FBXL5: variants seen among roughly 807,000 people sequenced by gnomAD.
The protein encoded by FBXL5 is F-box and leucine rich repeat protein 5, also known as F-box/LRR-repeat protein 5.
FBXL5 carries 26 observed loss-of-function variants against 78.3 expected under a neutral mutation model. The observed-to-expected ratio is 0.33, with a 90% CI of 0.24 to 0.46. The LOEUF is 0.46. Ranked by LOEUF, FBXL5 falls within the 20% of genes least tolerant of loss-of-function variation. The pLI is 1.00. For synonymous variants in FBXL5, 295 were observed against 282.5 expected (o/e 1.04, Z -0.45); for missense variants, 710 against 829.2 (o/e 0.86, Z 1.77).
intron 6 of FBXL5, among the ~76,000 whole-genome samples, chr4:15,628,785 A>ACACACACACG (rs10682962): frequency 0.36 from 35,389 of 98,076 alleles, 4,320 homozygotes; most frequent in African/African-American, 0.37. Flanking sequence ...ACACACACAC[A>ACACACACACG]CACGCACACA....
At chr4:15,673,029 A>G (rs1233299636) in intron 1 of FBXL5, among the ~76,000 whole-genome samples, 1 of 152,186 alleles carries the variant, frequency 6.6e-6, no homozygotes, top group African/African-American at 2.4e-5. Context: ...GGGCAATAAC[A>G]TGCACAAAGC....
At chr4:15,680,819 AT>A (rs1718216724) in intron 1 of FBXL5, among the ~76,000 whole-genome samples, 1 of 151,590 alleles carries the variant, frequency 6.6e-6, no homozygotes. Context: ...AAGCTCCTGT[AT>A]CTAACATGTT....
At chr4:15,632,426 CGTA>C (rs1293205657) in intron 5 of FBXL5, among the ~76,000 whole-genome samples, 1 of 152,066 alleles carries the variant, frequency 6.6e-6, no homozygotes, top group African/African-American at 2.4e-5. Flanking sequence ...TGAACTTTAA[CGTA>C]GTTTTTTCCA....
rs761125725 is a variant in FBXL5 at position 15,636,476 on chromosome 4, A to T, written c.766+18T>A. 3 of 1,479,252 alleles carry T rather than the reference A, an allele frequency of 2.0e-6. No individual in the cohort carries two copies. The South Asian group carries it at 4.0e-5, about 20-fold the overall frequency. 91.6% of individuals were successfully genotyped at this position (1,479,252 alleles called of 1,614,324 possible). A position where few individuals can be genotyped will look rare whatever the true frequency, so the allele number is the denominator to read the frequency against. The stretch of plus-strand genomic sequence containing the variant: ...CTAGAAAAATACATGAAAATATTTT[A>T]AAAACCCATTTACCTACCTCTGGCC... On this transcript the variant is annotated intron_variant, in intron 5 of 10. Transcript: ENST00000341285.
intron 1 of FBXL5, among the ~76,000 whole-genome samples, chr4:15,671,376 CT>C (rs1320267061): frequency 6.6e-6 from 1 of 152,010 alleles, no homozygotes; most frequent in Non-Finnish European, 1.5e-5. Flanking sequence ...CTTTTTGCCC[CT>C]AGTCCATTTA....
Position 15,625,546 on chromosome 4 carries a change from C to T in FBXL5, c.1556G>A (p.Gly519Asp). 6.2e-7 allele frequency: 1 copy of T among 1,614,172 alleles called. No homozygotes were observed. Among genetic ancestry groups the T allele is most frequent in the Middle Eastern group, 1.6e-4 (1 of 6,062 alleles). ...TASNFSCSTSGCFSKDIVGLR... is the reference protein window; with the variant it reads ...TASNFSCSTSDCFSKDIVGLR... ...TCCAACAATGTCCTTACTAAAACAA[C>T]CAGAGGTGGAACAACTAAAGTTGGA... Residue 519 changes from glycine to aspartate, a missense_variant, in exon 9 of 11, where the codon GGT (glycine) becomes GAT (aspartate). Gly to Asp is a moderately conservative substitution (Grantham distance 94). Around this residue, in one of 4 missense-constraint regions of FBXL5, gnomAD observed 517 missense variants for 542.9 expected, o/e 0.95. Transcript: ENST00000341285.
At chr4:15,678,897 A>G (rs1234976426) in intron 1 of FBXL5, among the ~76,000 whole-genome samples, 2 of 152,150 alleles carry the variant, frequency 1.3e-5, no homozygotes, top group East Asian at 3.9e-4. Flanking sequence ...TTTGCAGATC[A>G]TCATAGCTTA....
In FBXL5 at chr4:15,605,621, G is replaced by A. The variant is rs934056569; in HGVS notation, c.*102C>T. On this transcript the variant is annotated 3_prime_UTR_variant, in exon 11 of 11. Coordinates refer to ENST00000341285, the MANE Select transcript of FBXL5 (RefSeq NM_012161.4). ...AAGAAATGGGGCCAAAACAAGTCACGCTCAAAAAGGGATGGTTAACACAAG... is the reference window on the plus strand; with the variant it reads ...AAGAAATGGGGCCAAAACAAGTCACACTCAAAAAGGGATGGTTAACACAAG... The A allele has an allele frequency of 2.0e-5, 18 of 917,942 alleles. No individual in the cohort carries two copies. The highest frequency in any genetic ancestry group is 8.1e-5 in the African/African-American group (5 of 61,492). 56.9% of individuals were successfully genotyped at this position (917,942 alleles called of 1,614,324 possible).
At chr4:15,638,907 G>A (rs1180523870) in intron 3 of FBXL5, among the ~76,000 whole-genome samples, 1 of 152,200 alleles carries the variant, frequency 6.6e-6, no homozygotes, top group East Asian at 1.9e-4. Context: ...GCTAACACCT[G>A]TAATCCCAGA....
In FBXL5 at chr4:15,675,374, C is replaced by T. The variant is rs182553280; in HGVS notation, c.-284+6009G>A. Among the ~76,000 whole-genome samples, 4 of 152,226 alleles carry T rather than the reference C, an allele frequency of 2.6e-5. No homozygotes were observed. The East Asian group carries it at 5.8e-4, about 22-fold the overall frequency. ...AAATTATTTAGGACTAAATGACCAA[C>T]TACTACTATAGTATATAAAGATTTT... On this transcript the variant is annotated intron_variant, in intron 1 of 4. Transcript: ENST00000507899.
chr4:15,671,702 A>G (rs1244211101), intron 1 of FBXL5, among the ~76,000 whole-genome samples: 3 of 152,078 alleles, frequency 2.0e-5, no homozygotes, highest in South Asian at 2.1e-4. Context: ...CCCTACTCCC[A>G]TTACACACTA....
intron 1 of FBXL5, among the ~76,000 whole-genome samples, chr4:15,647,742 G>A (rs2148687676): frequency 6.6e-6 from 1 of 152,222 alleles, no homozygotes; most frequent in Non-Finnish European, 1.5e-5. Context: ...CTGACTCTAG[G>A]GCAAGATTGC....
At chr4:15,635,272 G>C (rs984899638) in intron 5 of FBXL5, among the ~76,000 whole-genome samples, 2 of 151,202 alleles carry the variant, frequency 1.3e-5, no homozygotes, top group African/African-American at 4.9e-5. Context: ...GGTGGAGGTT[G>C]CAGTGATCCA....
chr4:15,638,832 C>A (rs1050166157), intron 3 of FBXL5, 138 bp from the exon 4 acceptor site: 1 of 577,234 alleles, frequency 1.7e-6, no homozygotes, highest in Non-Finnish European at 2.9e-6. Flanking sequence ...GCTGTCACCA[C>A]TGAGTTAGTT....
chr4:15,613,978 G>A (rs1711533448), intron 9 of FBXL5, among the ~76,000 whole-genome samples: 1 of 152,182 alleles, frequency 6.6e-6, no homozygotes, highest in Non-Finnish European at 1.5e-5. Flanking sequence ...CACTGCTGGT[G>A]AGCTAGTGTG....
At position 15,625,529 on chromosome 4, in the gene FBXL5, T is replaced by C. The variant is rs770972895; in HGVS notation, c.1573A>G (p.Ile525Val). The stretch of plus-strand genomic sequence containing the variant: ...CAGACACTAGTCCTTAGTCCAACAA[T>C]GTCCTTACTAAAACAACCAGAGGTG... ...CSTSGCFSKD[I>V]VGLRTSVCWQ... is the part of the protein sequence containing the mutation. The change falls in exon 9 of 11, where the codon ATT (isoleucine) becomes GTT (valine). Residue 525 changes from isoleucine (I) to valine (V), a missense_variant. Coordinates refer to ENST00000341285, the MANE Select transcript of FBXL5 (RefSeq NM_012161.4). The C allele has an allele frequency of 1.9e-6, 3 of 1,614,156 alleles. No homozygotes were observed. The highest frequency in any genetic ancestry group is 2.5e-6 in the Non-Finnish European group (3 of 1,180,018).
chr4:15,659,809 A>G (rs1214259475), upstream of FBXL5: 4 of 837,760 alleles, frequency 4.8e-6, no homozygotes, highest in African/African-American at 7.3e-5. Context: ...TTATGGGCTG[A>G]CTTGTAGGGA....
At chr4:15,637,937 A>G in intron 4 of FBXL5, among the ~76,000 whole-genome samples, 1 of 151,346 alleles carries the variant, frequency 6.6e-6, no homozygotes, top group East Asian at 1.9e-4. Flanking sequence ...TTTTATTTGC[A>G]TTTCTCATTT....
intron 8 of FBXL5, 91 bp downstream of exon 8, chr4:15,626,782 A>C: frequency 1.1e-6 from 1 of 922,410 alleles, no homozygotes; most frequent in East Asian, 2.7e-5. Context: ...ATTTGATAGT[A>C]AAAAATAATA....
Sources: allele counts gnomAD v4.1 joint callset (sites outside exome capture counted in the v4.1 genomes callset), GRCh38; gene constraint gnomAD v4.1.1; regional missense constraint gnomAD v4.1.1; transcripts MANE v1.5; gene names NCBI Gene and HGNC (gene_info 2026-07-23, HGNC 2026-07-21).